The following FAT3 variants were observed in gnomAD, a reference collection of about 807,000 sequenced individuals.
The protein encoded by FAT3 is protocadherin Fat 3.
A neutral mutation model predicts 310.2 loss-of-function variants in FAT3; 95 were observed. The ratio of observed to expected loss-of-function variants is 0.31; its 90% CI spans 0.26 to 0.36. The LOEUF is 0.36. Among genes scored for constraint, FAT3 ranks in the 10% least tolerant of loss-of-function variants. The pLI, the probability that FAT3 is intolerant of heterozygous loss-of-function variation, is 1.00. For missense variants in FAT3, 5,408 were observed against 5,715.6 expected (o/e 0.95, Z 1.74); for synonymous variants, 2,314 against 2,192.9 (o/e 1.06, Z -1.54).
intron 2 of FAT3, among the ~76,000 whole-genome samples, chr11:92,426,328 G>A (rs1248297615): frequency 6.6e-6 from 1 of 152,094 alleles, no homozygotes; most frequent in Admixed American, 6.6e-5. Context: ...AATTATGTAG[G>A]TTGCCTGTTC....
At chr11:92,848,793 G>A (rs1280297745) in intron 19 of FAT3, among the ~76,000 whole-genome samples, 3 of 152,222 alleles carry the variant, frequency 2.0e-5, no homozygotes, top group Non-Finnish European at 4.4e-5. Context: ...AACCAGTGGG[G>A]GATGGCACTG....
chr11:92,751,840 G>A (rs1462344116), intron 4 of FAT3, among the ~76,000 whole-genome samples: 2 of 152,112 alleles, frequency 1.3e-5, no homozygotes, highest in African/African-American at 2.4e-5. Context: ...AGACTTGGGC[G>A]CAAACCCGTG....
chr11:92,336,268 C>CAT, intron 1 of FAT3: 1 of 537,786 alleles, frequency 1.9e-6, no homozygotes, highest in Non-Finnish European at 3.7e-6. Flanking sequence ...GGGTCCTTGT[C>CAT]ATAGCAATGG....
At chr11:92,709,528 G>A (rs536028567) in intron 4 of FAT3, among the ~76,000 whole-genome samples, 8 of 152,262 alleles carry the variant, frequency 5.3e-5, no homozygotes, top group African/African-American at 9.6e-5. Flanking sequence ...AAGGTCACCC[G>A]TAGGAGGAAG....
intron 2 of FAT3, among the ~76,000 whole-genome samples, chr11:92,373,280 T>C (rs1949245362): frequency 6.6e-6 from 1 of 152,182 alleles, no homozygotes; most frequent in Non-Finnish European, 1.5e-5. Context: ...ATGCCTCACA[T>C]TAAACTTATG....
chr11:92,350,069 AT>A (rs1463240882), intron 1 of FAT3, among the ~76,000 whole-genome samples: 3 of 151,996 alleles, frequency 2.0e-5, no homozygotes, highest in Non-Finnish European at 4.4e-5. Context: ...TGACTATTAA[AT>A]TTAGACAGTT....
At chr11:92,361,670 G>T (rs1565258435) in intron 2 of FAT3, among the ~76,000 whole-genome samples, 1 of 147,186 alleles carries the variant, frequency 6.8e-6, no homozygotes, top group Non-Finnish European at 1.5e-5. Context: ...AGGTTGTAAG[G>T]TTTTTTTTTT....
intron 21 of FAT3, among the ~76,000 whole-genome samples, chr11:92,863,656 A>G (rs1212048407): frequency 2.6e-5 from 4 of 152,216 alleles, no homozygotes; most frequent in African/African-American, 9.6e-5. Flanking sequence ...GCACACCTCA[A>G]TTTCTATTAA....
At position 92,844,560 on chromosome 11, in the gene FAT3, T is replaced by C. The variant is rs762575654; in HGVS notation, c.11193T>C (p.Asn3731=). Residue 3731 remains asparagine, a synonymous_variant, in exon 19 of 28, where the codon AAT becomes AAC. Transcript: ENST00000525166. ...CCAATGCTAGAAGACACCTGGAGAA[T>C]ATCATGCGCATCTCAGCCATCTTGG... is the stretch of plus-strand genomic sequence containing the variant. ...KLSNARRHLE[N]IMRISAILEK... is the part of the protein sequence containing the mutation. 41 of 1,613,848 alleles carry C rather than the reference T, an allele frequency of 2.5e-5. No individual in the cohort carries two copies. Among genetic ancestry groups the C allele is most frequent in the Non-Finnish European group, 3.1e-5 (37 of 1,179,888 alleles).
chr11:92,259,791 G>A (rs888687538), intron 1 of FAT3, among the ~76,000 whole-genome samples: 3 of 152,108 alleles, frequency 2.0e-5, no homozygotes, highest in Admixed American at 6.6e-5. Flanking sequence ...CCAAAGGACC[G>A]AACTTTCCCC....
intron 27 of FAT3, among the ~76,000 whole-genome samples, 198 bp from the exon 28 acceptor site, chr11:92,890,293 G>T (rs1387846282): frequency 6.6e-6 from 1 of 152,174 alleles, no homozygotes; most frequent in Non-Finnish European, 1.5e-5. Flanking sequence ...GCAGCAACCA[G>T]GCATCAACCT....
intron 22 of FAT3, among the ~76,000 whole-genome samples, chr11:92,873,147 A>G (rs554420743): frequency 7.2e-5 from 11 of 152,344 alleles, no homozygotes; most frequent in Non-Finnish European, 1.3e-4. Context: ...TTATGAATCC[A>G]GAAACCTTAT....
chr11:92,665,836 C>G (rs533918961), intron 3 of FAT3, among the ~76,000 whole-genome samples: 1 of 152,074 alleles, frequency 6.6e-6, no homozygotes, highest in South Asian at 2.1e-4. Context: ...GGAAAGATAC[C>G]GGTTCCTCTA....
intron 3 of FAT3, among the ~76,000 whole-genome samples, chr11:92,692,553 T>C (rs1364599265): frequency 6.6e-6 from 1 of 152,240 alleles, no homozygotes; most frequent in Non-Finnish European, 1.5e-5. Context: ...CCTTTGCCTT[T>C]TGCAGCTGTA....
In FAT3 at chr11:92,895,510, T is replaced by C. The variant is rs1409640604; in HGVS notation, c.*4397T>C. 2 of 152,216 alleles carry C rather than the reference T, an allele frequency of 1.3e-5. No homozygotes were observed. Among genetic ancestry groups the C allele is most frequent in the South Asian group, 4.1e-4 (2 of 4,832 alleles). 9.4% of individuals were successfully genotyped at this position (152,216 alleles called of 1,614,324 possible). Reference sequence around the variant, plus strand: ...GGCCATAATTAGTCTCTTCTAGTGTTTAGAATGCACTTGAGAATCGTAGAG... The same window carrying C: ...GGCCATAATTAGTCTCTTCTAGTGTCTAGAATGCACTTGAGAATCGTAGAG... On this transcript the variant is annotated 3_prime_UTR_variant, in exon 28 of 28. Coordinates refer to ENST00000525166, the MANE Select transcript of FAT3 (RefSeq NM_001367949.2).
chr11:92,530,574 T>C, intron 3 of FAT3, among the ~76,000 whole-genome samples: 1 of 150,358 alleles, frequency 6.7e-6, no homozygotes, highest in East Asian at 1.9e-4. Context: ...CATGGATTCC[T>C]AAGACTTGTA....
intron 1 of FAT3, among the ~76,000 whole-genome samples, chr11:92,247,326 C>CTTT (rs34159674): frequency 4.2e-5 from 6 of 144,190 alleles, no homozygotes; most frequent in African/African-American, 1.3e-4. Context: ...GAAACCATGT[C>CTTT]TTTTTTTTTT....
intron 1 of FAT3, among the ~76,000 whole-genome samples, chr11:92,319,499 T>G (rs1947552463): frequency 6.6e-6 from 1 of 152,206 alleles, no homozygotes; most frequent in South Asian, 2.1e-4. Context: ...ATAAACTACT[T>G]TAATCTCTCT....
intron 4 of FAT3, among the ~76,000 whole-genome samples, chr11:92,758,505 C>G (rs1464976908): frequency 6.6e-6 from 1 of 152,162 alleles, no homozygotes; most frequent in Non-Finnish European, 1.5e-5. Flanking sequence ...ACCTCCCAAG[C>G]TCACCATGTA....
Sources: gnomAD v4.1 joint callset for allele counts (sites outside exome capture counted in the v4.1 genomes callset) on GRCh38, gnomAD v4.1.1 for gene constraint, MANE v1.5 for transcripts, NCBI Gene and HGNC (gene_info 2026-07-23, HGNC 2026-07-21) for gene names.